HS3ST5: variants seen among roughly 807,000 people sequenced by gnomAD.
The protein encoded by HS3ST5 is heparan sulfate-glucosamine 3-sulfotransferase 5.
Under a neutral mutation model 25.4 loss-of-function variants are expected in HS3ST5, and 10 were observed. The ratio of observed to expected loss-of-function variants is 0.39; its 90% CI spans 0.24 to 0.67. HS3ST5 has a LOEUF of 0.67. Ranked by LOEUF, HS3ST5 falls within the 30% of genes least tolerant of loss-of-function variation. The pLI is 0.44. For missense variants in HS3ST5, 324 were observed against 420.7 expected (o/e 0.77, Z 2.01); for synonymous variants, 170 against 162.4 (o/e 1.05, Z -0.36).
chr6:114,247,738 T>G (rs1772445813), intron 1 of HS3ST5, among the ~76,000 whole-genome samples: 1 of 151,612 alleles, frequency 6.6e-6, no homozygotes, highest in East Asian at 1.9e-4. Flanking sequence ...TATTTGCATT[T>G]CTAGTCCTTA....
intron 3 of HS3ST5, among the ~76,000 whole-genome samples, chr6:114,163,186 T>C (rs1232775504): frequency 1.3e-5 from 2 of 152,158 alleles, no homozygotes; most frequent in Non-Finnish European, 2.9e-5. Flanking sequence ...AAATTCTCTT[T>C]CGTTTTTAAA....
chr6:114,177,523 A>G (rs555000822), intron 2 of HS3ST5, among the ~76,000 whole-genome samples: 1 of 152,326 alleles, frequency 6.6e-6, no homozygotes, highest in South Asian at 2.1e-4. Context: ...AGAAGGCAAT[A>G]AAGAACCTTC....
At chr6:114,198,767 A>T (rs1780877194) in intron 2 of HS3ST5, among the ~76,000 whole-genome samples, 1 of 152,178 alleles carries the variant, frequency 6.6e-6, no homozygotes, top group Admixed American at 6.5e-5. Context: ...GAAATGAGAG[A>T]TTAATGGAAA....
At chr6:114,067,464 T>A (rs977198976) in intron 3 of HS3ST5, among the ~76,000 whole-genome samples, 1 of 152,182 alleles carries the variant, frequency 6.6e-6, no homozygotes, top group Non-Finnish European at 1.5e-5. Flanking sequence ...ACTGTCAGCA[T>A]CCAATTGCAA....
At chr6:114,135,089 A>C (rs1393557942) in intron 3 of HS3ST5, among the ~76,000 whole-genome samples, 1 of 152,224 alleles carries the variant, frequency 6.6e-6, no homozygotes, top group African/African-American at 2.4e-5. Flanking sequence ...CATGAGACAT[A>C]CAGAGGCCTA....
At chr6:114,103,739 C>A (rs1167487383) in intron 3 of HS3ST5, among the ~76,000 whole-genome samples, 1 of 144,592 alleles carries the variant, frequency 6.9e-6, no homozygotes, top group Admixed American at 7.0e-5. Context: ...GTGTCTGTCT[C>A]CCAGGCTGGA....
intron 2 of HS3ST5, among the ~76,000 whole-genome samples, chr6:114,216,926 A>G (rs1217471560): frequency 5.9e-5 from 9 of 152,230 alleles, no homozygotes; most frequent in Admixed American, 3.9e-4. Context: ...TTCTCTGATG[A>G]TGCTGCAGTG....
At position 114,149,245 on chromosome 6, in the gene HS3ST5, G is replaced by T. The variant is rs563706611; in HGVS notation, c.-33+19106C>A. 3.3e-5 allele frequency among the ~76,000 whole-genome samples: 5 copies of T among 152,152 alleles called. No homozygotes were observed. The East Asian group carries it at 9.7e-4, about 29-fold the overall frequency. ...CCCATTACTGGGTATATACCCAAAGGGTTACAAATCATTCTACTATAAAGA... is the reference window on the plus strand; with the variant it reads ...CCCATTACTGGGTATATACCCAAAGTGTTACAAATCATTCTACTATAAAGA... On this transcript the variant is annotated intron_variant, in intron 3 of 4. Transcript: ENST00000312719.
At chr6:114,135,048 C>T (rs761147475) in intron 3 of HS3ST5, among the ~76,000 whole-genome samples, 1 of 152,178 alleles carries the variant, frequency 6.6e-6, no homozygotes, top group Non-Finnish European at 1.5e-5. Context: ...CTATAAATGA[C>T]TTCTAGATTG....
chr6:114,178,942 T>C (rs1779843438), intron 2 of HS3ST5: 1 of 152,084 alleles, frequency 6.6e-6, no homozygotes, highest in South Asian at 2.1e-4. Flanking sequence ...CATGCATTTT[T>C]GAAAAAAAAG....
intron 3 of HS3ST5, among the ~76,000 whole-genome samples, chr6:114,160,735 A>C (rs1778906428): frequency 6.6e-6 from 1 of 152,194 alleles, no homozygotes; most frequent in Admixed American, 6.6e-5. Flanking sequence ...AGGGAACATA[A>C]ACATAAAATT....
At chr6:114,236,467 C>T (rs1771861364) in intron 1 of HS3ST5, among the ~76,000 whole-genome samples, 1 of 152,106 alleles carries the variant, frequency 6.6e-6, no homozygotes, top group Non-Finnish European at 1.5e-5. Flanking sequence ...TCTTTACTCC[C>T]AACTCCTTTA....
chr6:114,244,006 T>C (rs1450434189), intron 1 of HS3ST5, among the ~76,000 whole-genome samples: 4 of 152,176 alleles, frequency 2.6e-5, no homozygotes, highest in African/African-American at 9.7e-5. Flanking sequence ...GAGAATACTA[T>C]CCTTTTGTAG....
At chr6:114,233,831 T>C (rs1232043421) in intron 1 of HS3ST5, among the ~76,000 whole-genome samples, 1 of 152,186 alleles carries the variant, frequency 6.6e-6, no homozygotes, top group Non-Finnish European at 1.5e-5. Context: ...CAAAAGTAGG[T>C]ATGAAATTCT....
intron 1 of HS3ST5, among the ~76,000 whole-genome samples, chr6:114,241,132 G>GTTTTTT (rs34220294): frequency 1.1e-4 from 13 of 117,782 alleles, no homozygotes; most frequent in Non-Finnish European, 1.6e-4. Context: ...AGAAAAATCA[G>GTTTTTT]TTTTTTTTTT....
chr6:114,331,724 A>G (rs1776405554), intron 1 of HS3ST5, among the ~76,000 whole-genome samples: 1 of 152,166 alleles, frequency 6.6e-6, no homozygotes, highest in Non-Finnish European at 1.5e-5. Flanking sequence ...AATGTTTGCC[A>G]TTAAATGTAT....
intron 3 of HS3ST5, among the ~76,000 whole-genome samples, chr6:114,092,627 G>T (rs1191884852): frequency 1.3e-5 from 2 of 150,600 alleles, no homozygotes; most frequent in African/African-American, 4.9e-5. Flanking sequence ...CAACATATAT[G>T]TTGTATACTT....
intron 3 of HS3ST5, among the ~76,000 whole-genome samples, chr6:114,081,775 CTGTTTTAGATAATATT>C (rs1774463277): frequency 6.6e-6 from 1 of 152,120 alleles, no homozygotes; most frequent in African/African-American, 2.4e-5. Context: ...ATTTTTATTG[CTGTTTTAGATAATATT>C]TGTTTTAGAT....
chr6:114,197,843 A>G (rs1334031156), intron 2 of HS3ST5, among the ~76,000 whole-genome samples: 1 of 152,202 alleles, frequency 6.6e-6, no homozygotes, highest in East Asian at 1.9e-4. Context: ...CCCTTAGATG[A>G]GAAAAAATCA....
Sources: gnomAD v4.1 joint callset for allele counts (sites outside exome capture counted in the v4.1 genomes callset) on GRCh38, gnomAD v4.1.1 for gene constraint, MANE v1.5 for transcripts, NCBI Gene and HGNC (gene_info 2026-07-23, HGNC 2026-07-21) for gene names.